Variants in RAB3IL1 observed in about 807,000 individuals in gnomAD.
RAB3IL1 encodes the protein guanine nucleotide exchange factor for Rab-3A.
In RAB3IL1, 37 loss-of-function variants were observed where a neutral mutation model predicts 49.2. That is an observed-to-expected ratio of 0.75 (90% CI 0.58 to 0.99). The LOEUF (loss-of-function observed/expected upper bound fraction) is 0.99, where lower values mean the gene tolerates loss of function less well. Among genes scored for constraint, RAB3IL1 ranks in the 50% least tolerant of loss-of-function variants. RAB3IL1 has a pLI of 0.00. For synonymous variants in RAB3IL1, 193 were observed against 213.9 expected, an observed-to-expected ratio of 0.90 and a Z score of 0.85; for missense variants, 484 against 513.0, an observed-to-expected ratio of 0.94 and a Z score of 0.55.
At chr11:61,942,637 G>A in the RAB3IL1 span, among the ~76,000 whole-genome samples, 149 of 152,072 alleles carry the variant, frequency 9.8e-4, no homozygotes, top group African/African-American at 3.3e-3. Context: ...ATTACAGCTA[G>A]TAAATAAATT....
chr11:61,927,659 G>A, the RAB3IL1 span, among the ~76,000 whole-genome samples: 7 of 152,074 alleles, frequency 4.6e-5, no homozygotes, highest in Non-Finnish European at 1.0e-4. Flanking sequence ...TGTTGAAGGA[G>A]GGGCCTGGTG....
At chr11:61,927,333 C>T in the RAB3IL1 span, among the ~76,000 whole-genome samples, 1 of 152,160 alleles carries the variant, frequency 6.6e-6, no homozygotes, top group East Asian at 1.9e-4. Context: ...AGAGAAAACT[C>T]TTCTATACAA....
chr11:61,930,317 T>A, the RAB3IL1 span, among the ~76,000 whole-genome samples: 6 of 152,124 alleles, frequency 3.9e-5, no homozygotes, highest in Non-Finnish European at 7.4e-5. Context: ...TAGAGATGGA[T>A]AATGGTTGCA....
At chr11:61,908,385 G>A in intron 1 of RAB3IL1, 79 bp from the exon 2 acceptor site, 1 of 1,315,626 alleles carries the variant, frequency 7.6e-7, no homozygotes, top group Non-Finnish European at 9.8e-7. Context: ...ACCGCCCCGG[G>A]GCAATGTGCC....
upstream of RAB3IL1, among the ~76,000 whole-genome samples, chr11:61,918,106 A>G (rs142337318): frequency 6.6e-6 from 1 of 151,590 alleles, no homozygotes; most frequent in Non-Finnish European, 1.5e-5. Context: ...CCCTGCCTTT[A>G]CTCACCATCT....
chr11:61,944,221 T>TTC, the RAB3IL1 span, among the ~76,000 whole-genome samples: 3 of 86,592 alleles, frequency 3.5e-5, no homozygotes, highest in African/African-American at 1.9e-4. Flanking sequence ...CTTCCTTCCC[T>TTC]CCTTCCTTCC....
rs1815812506 is a variant in RAB3IL1 at position 61,897,767 on chromosome 11, G to T, written c.*511C>A. On this transcript the variant is annotated 3_prime_UTR_variant, in exon 10 of 10. Coordinates refer to ENST00000394836, the MANE Select transcript of RAB3IL1 (RefSeq NM_013401.4). ...ATGGAGGCCCTGCCAGCCCCTCCTA[G>T]TAGTCCAATAGGGAGGCCACCGGGA... 1 of 156,570 alleles carries T rather than the reference G, an allele frequency of 6.4e-6. No individual in the cohort carries two copies. The highest frequency in any genetic ancestry group is 2.4e-5 in the African/African-American group (1 of 41,440). 9.7% of individuals were successfully genotyped at this position (156,570 alleles called of 1,614,324 possible).
chr11:61,902,934 C>T (rs1172485455), intron 7 of RAB3IL1, among the ~76,000 whole-genome samples: 1 of 152,162 alleles, frequency 6.6e-6, no homozygotes, highest in Non-Finnish European at 1.5e-5. Flanking sequence ...CTCCCGCTTC[C>T]CAACATCCAG....
At chr11:61,907,177 C>T (rs1362258331) in intron 4 of RAB3IL1, among the ~76,000 whole-genome samples, 1 of 152,242 alleles carries the variant, frequency 6.6e-6, no homozygotes, top group Non-Finnish European at 1.5e-5. Flanking sequence ...AAAGGCTCTG[C>T]CATGCAGCAG....
chr11:61,916,557 A>T (rs1460418283), intron 1 of RAB3IL1, among the ~76,000 whole-genome samples: 1 of 152,054 alleles, frequency 6.6e-6, no homozygotes, highest in Admixed American at 6.5e-5. Flanking sequence ...CTCTCCTGGG[A>T]CCACTCATCT....
chr11:61,913,216 G>A (rs1261260057), intron 1 of RAB3IL1, among the ~76,000 whole-genome samples: 1 of 152,098 alleles, frequency 6.6e-6, no homozygotes, highest in African/African-American at 2.4e-5. Flanking sequence ...CGAGAGTGTT[G>A]GACACCAGAG....
upstream of RAB3IL1, among the ~76,000 whole-genome samples, chr11:61,923,930 G>A (rs1201175499): frequency 6.6e-6 from 1 of 152,178 alleles, no homozygotes; most frequent in African/African-American, 2.4e-5. Flanking sequence ...CTGTCCCCAG[G>A]CCTGACCAAG....
chr11:61,900,557 G>A (rs566898810), intron 8 of RAB3IL1, among the ~76,000 whole-genome samples: 18 of 152,304 alleles, frequency 1.2e-4, no homozygotes, highest in Non-Finnish European at 1.6e-4. Context: ...GAGAGGCTGC[G>A]GCAGGAGGGT....
chr11:61,934,630 A>G, the RAB3IL1 span, among the ~76,000 whole-genome samples: 1 of 151,454 alleles, frequency 6.6e-6, no homozygotes. Context: ...GGCTGGGTGC[A>G]TGCTCAGAAA....
upstream of RAB3IL1, among the ~76,000 whole-genome samples, chr11:61,924,952 C>T (rs1050940635): frequency 2.6e-5 from 4 of 152,188 alleles, no homozygotes; most frequent in Non-Finnish European, 5.9e-5. Context: ...CATCAGAAAC[C>T]TTCGGGGGGA....
intron 1 of RAB3IL1, 141 bp downstream of exon 1, chr11:61,917,216 G>T: frequency 4.0e-6 from 5 of 1,237,220 alleles, no homozygotes; most frequent in Non-Finnish European, 5.1e-6. Flanking sequence ...GCTGCAAGTC[G>T]GCTCGCCTGC....
intron 1 of RAB3IL1, among the ~76,000 whole-genome samples, chr11:61,909,128 G>A (rs556023175): frequency 2.0e-5 from 3 of 152,300 alleles, no homozygotes; most frequent in South Asian, 2.1e-4. Context: ...CTCTGGACTC[G>A]CTCACTCAGC....
the RAB3IL1 span, among the ~76,000 whole-genome samples, chr11:61,934,382 G>A: frequency 7.1e-6 from 1 of 140,634 alleles, no homozygotes. Flanking sequence ...AATATATATT[G>A]TGTGCATATA....
chr11:61,930,186 A>G, the RAB3IL1 span, among the ~76,000 whole-genome samples: 58,565 of 151,590 alleles, frequency 0.39, 11,619 homozygotes, highest in South Asian at 0.65. Flanking sequence ...ATGAGCCACC[A>G]CTCCCAGCCA....
Sources: allele counts gnomAD v4.1 joint callset (sites outside exome capture counted in the v4.1 genomes callset), GRCh38; gene constraint gnomAD v4.1.1; transcripts MANE v1.5; gene names NCBI Gene and HGNC (gene_info 2026-07-23, HGNC 2026-07-21).